The following FHAD1 variants were observed in gnomAD, a reference collection of about 807,000 sequenced individuals.
FHAD1 encodes the protein forkhead associated phosphopeptide binding domain 1, also known as forkhead-associated domain-containing protein 1.
A neutral mutation model predicts 191.3 loss-of-function variants in FHAD1; 146 were observed. The observed-to-expected ratio is 0.76, with a 90% confidence interval of 0.67 to 0.88. FHAD1 has a LOEUF of 0.88. FHAD1 is among the 40% of genes least tolerant of loss of function. The probability of loss-of-function intolerance (pLI) is 0.00; values close to 1 mark genes in which losing one functional copy is unlikely to be tolerated. For missense variants in FHAD1, 1,635 were observed against 1,785.8 expected (o/e 0.92, Z 1.52); for synonymous variants, 616 against 672.3 (o/e 0.92, Z 1.29).
rs376650820 is a variant in FHAD1, at chr1:15,254,063, G to A, written c.93+2186G>A. On this transcript the variant is annotated intron_variant, in intron 2 of 33. Transcript: ENST00000688493. ...ATACCTTCCTTTGAGATTCTCATCCGTGACATGGTCTCCCTACAAGGACAC... is the reference window on the plus strand; with the variant it reads ...ATACCTTCCTTTGAGATTCTCATCCATGACATGGTCTCCCTACAAGGACAC... Among the ~76,000 whole-genome samples, 48 of 152,152 alleles carry A rather than the reference G, an allele frequency of 3.2e-4. No homozygotes were observed. The South Asian group carries it at 8.7e-3, about 28-fold the overall frequency.
At chr1:15,345,323 G>T in intron 17 of FHAD1, 93 bp from the exon 18 acceptor site, 1 of 1,377,332 alleles carries the variant, frequency 7.3e-7, no homozygotes, top group Non-Finnish European at 1.0e-6. Flanking sequence ...GGGAGGTGTA[G>T]TCTGGAGGGA....
intron 15 of FHAD1, among the ~76,000 whole-genome samples, chr1:15,340,170 A>G (rs1224365921): frequency 5.9e-5 from 9 of 152,226 alleles, no homozygotes; most frequent in Admixed American, 5.9e-4. Context: ...AATCCAGTGG[A>G]CAAAGTACAG....
intron 8 of FHAD1, chr1:15,315,108 G>A (rs1398721211): frequency 6.6e-6 from 1 of 152,026 alleles, no homozygotes; most frequent in Non-Finnish European, 1.5e-5. Context: ...TCGTGACCAA[G>A]GGTATTGCTC....
chr1:15,274,232 TG>T (rs1657353308), intron 3 of FHAD1, among the ~76,000 whole-genome samples: 1 of 152,208 alleles, frequency 6.6e-6, no homozygotes, highest in Non-Finnish European at 1.5e-5. Flanking sequence ...AGGGGTATTT[TG>T]TTTTAATCAC....
rs970169217 is a variant in FHAD1 at position 15,349,166 on chromosome 1, G to A, written c.2454+17G>A. ...CAGAAGGAGGTATGAGCAGCAGCAG[G>A]AAAGAATCCTCTGGAAGGAACTACA... is the stretch of plus-strand genomic sequence containing the variant. On this transcript the variant is annotated intron_variant, in intron 19 of 33. Coordinates refer to ENST00000688493, the MANE Select transcript of FHAD1 (RefSeq NM_001391957.1). The A allele has an allele frequency of 2.2e-5, 33 of 1,520,408 alleles. No individual in the cohort carries two copies. The Middle Eastern group carries it at 5.0e-4, about 23-fold the overall frequency. 94.2% of individuals were successfully genotyped at this position (1,520,408 alleles called of 1,614,324 possible).
chr1:15,246,918 A>G (rs1646110125), upstream of FHAD1, among the ~76,000 whole-genome samples: 1 of 152,132 alleles, frequency 6.6e-6, no homozygotes, highest in Admixed American at 6.5e-5. Context: ...GTTCAGCTCC[A>G]TCAATCTCCT....
At position 15,374,870 on chromosome 1, in the gene FHAD1, T is replaced by G. The variant is rs535671967; in HGVS notation, c.3577+239T>G. On this transcript the variant is annotated intron_variant, in intron 27 of 33. Transcript: ENST00000688493. ...TACGTTTTTTTTTTTGTTTGTTTTT[T>G]TTTTTTGAGACAGAGTCTCGCTCTG... 7.1e-3 allele frequency among the ~76,000 whole-genome samples: 1,072 copies of G among 150,272 alleles called. 13 individuals carry two copies. The highest frequency in any genetic ancestry group is 0.014 in the Middle Eastern group (4 of 292).
intron 18 of FHAD1, among the ~76,000 whole-genome samples, chr1:15,347,638 G>A (rs1479413175): frequency 2.6e-5 from 4 of 152,144 alleles, no homozygotes; most frequent in South Asian, 2.1e-4. Context: ...TAGTACAGAC[G>A]GGGTTTCACC....
chr1:15,301,109 C>A (rs376712072), intron 5 of FHAD1, 96 bp from the exon 6 acceptor site: 5 of 1,044,636 alleles, frequency 4.8e-6, no homozygotes, highest in Non-Finnish European at 6.9e-6. Context: ...GGATTACAGG[C>A]GTGAGCCACC....
At chr1:15,267,809 T>G (rs1180018536) in intron 2 of FHAD1, among the ~76,000 whole-genome samples, 1 of 147,142 alleles carries the variant, frequency 6.8e-6, no homozygotes, top group Non-Finnish European at 1.5e-5. Context: ...GATATATAAA[T>G]TATAAATATA....
intron 4 of FHAD1, among the ~76,000 whole-genome samples, chr1:15,291,082 A>C (rs1395281930): frequency 6.6e-6 from 1 of 150,870 alleles, no homozygotes; most frequent in Non-Finnish European, 1.5e-5. Flanking sequence ...TCCCCACCTA[A>C]ATCTACCATT....
intron 28 of FHAD1, among the ~76,000 whole-genome samples, chr1:15,376,061 ATTTATTTATTTATTTATTTT>A (rs765290633): frequency 6.9e-4 from 58 of 84,032 alleles, no homozygotes; most frequent in Admixed American, 3.2e-3. Flanking sequence ...TTATTTATTT[ATTTATTTATTTATTTATTTT>A]TTTATTTATT....
chr1:15,289,323 T>C lies in FHAD1; in HGVS notation c.301-76T>C. 2 of 1,497,096 alleles carry C rather than the reference T, an allele frequency of 1.3e-6. No homozygotes were observed. The highest frequency in any genetic ancestry group is 1.8e-6 in the Non-Finnish European group (2 of 1,116,684). 92.7% of individuals were successfully genotyped at this position (1,497,096 alleles called of 1,614,324 possible). On this transcript the variant is annotated intron_variant, in intron 3 of 33. Transcript: ENST00000688493. The surrounding 1 kb of genome is among the most constrained non-coding windows in gnomAD (Gnocchi z 4.2). ...CATAAACCAAGACCTTGGGCAGCAA[T>C]GCTGTGGCTGGGACAAAGAAATGGA...
At chr1:15,302,451 C>T (rs960762156) in intron 6 of FHAD1, among the ~76,000 whole-genome samples, 5 of 152,042 alleles carry the variant, frequency 3.3e-5, no homozygotes, top group African/African-American at 4.8e-5. Flanking sequence ...GATGGCTGGG[C>T]GCGGTGGCGC....
intron 33 of FHAD1, among the ~76,000 whole-genome samples, chr1:15,392,457 G>A (rs1427147078): frequency 6.6e-6 from 1 of 152,196 alleles, no homozygotes; most frequent in East Asian, 1.9e-4. Context: ...GTGTGAACCT[G>A]GGAGGCGGAG....
intron 2 of FHAD1, among the ~76,000 whole-genome samples, chr1:15,262,235 G>A (rs904752278): frequency 2.6e-5 from 4 of 152,240 alleles, no homozygotes; most frequent in African/African-American, 9.6e-5. Flanking sequence ...CTTTCTAAGT[G>A]CAGAGCCCAT....
intron 14 of FHAD1, chr1:15,335,499 A>G (rs1278583971): frequency 6.6e-6 from 1 of 151,624 alleles, no homozygotes; most frequent in Non-Finnish European, 1.5e-5. Flanking sequence ...TTTAAATGTC[A>G]GTATCTGAGC....
chr1:15,251,966 C>A, intron 2 of FHAD1, 89 bp downstream of exon 2: 2 of 1,058,966 alleles, frequency 1.9e-6, no homozygotes, highest in South Asian at 1.6e-5. Context: ...GGACTCCAGT[C>A]TCTTGTACAC....
intron 22 of FHAD1, among the ~76,000 whole-genome samples, chr1:15,361,130 G>C (rs1694669795): frequency 6.6e-6 from 1 of 152,104 alleles, no homozygotes; most frequent in African/African-American, 2.4e-5. Flanking sequence ...ACCCTAAAGA[G>C]GCTGAAAAAA....
Sources: gnomAD v4.1 joint callset for allele counts (sites outside exome capture counted in the v4.1 genomes callset) on GRCh38, gnomAD v4.1.1 for gene constraint, Gnocchi (gnomAD v3.1) non-coding constraint, MANE v1.5 for transcripts, NCBI Gene and HGNC (gene_info 2026-07-23, HGNC 2026-07-21) for gene names.